ARHGAP26: variants seen among roughly 807,000 people sequenced by gnomAD.
The protein encoded by ARHGAP26 is Rho GTPase activating protein 26.
ARHGAP26 carries 38 observed loss-of-function variants against 104.8 expected under a neutral mutation model. That is an observed-to-expected ratio of 0.36 (90% CI 0.28 to 0.48). ARHGAP26 has a LOEUF of 0.48. Ranked by LOEUF, ARHGAP26 falls within the 20% of genes least tolerant of loss-of-function variation. The probability of loss-of-function intolerance (pLI) is 0.99; values close to 1 mark genes in which losing one functional copy is unlikely to be tolerated. For missense variants in ARHGAP26, 704 were observed against 947.9 expected (o/e 0.74, Z 3.38); for synonymous variants, 341 against 340.0 (o/e 1.00, Z -0.03).
chr5:143,126,984 G>A (rs1796801785), intron 18 of ARHGAP26, among the ~76,000 whole-genome samples: 1 of 152,158 alleles, frequency 6.6e-6, no homozygotes, highest in African/African-American at 2.4e-5. Flanking sequence ...TTCCAGCTAA[G>A]ATTTTCAAAC....
rs539433715 is a variant in ARHGAP26, at chr5:143,005,347, C to T, written c.1108-8733C>T. On this transcript the variant is annotated intron_variant, in intron 11 of 22. Transcript: ENST00000645722. ...AAGCTTCAGGTATGCATCCTGTTTT[C>T]CTAGCAACACAAGGCCTCATTTCCC... 7.9e-5 allele frequency among the ~76,000 whole-genome samples: 12 copies of T among 152,314 alleles called. No individual in the cohort carries two copies. In the East Asian group the frequency reaches 2.1e-3, roughly 27 times the overall value.
chr5:143,052,569 A>G (rs570480473), intron 14 of ARHGAP26, among the ~76,000 whole-genome samples: 1 of 152,330 alleles, frequency 6.6e-6, no homozygotes, highest in East Asian at 1.9e-4. Flanking sequence ...ACCTGCAAAC[A>G]TCATACAGGT....
At chr5:142,809,518 C>T (rs1763665124) in intron 1 of ARHGAP26, among the ~76,000 whole-genome samples, 1 of 152,152 alleles carries the variant, frequency 6.6e-6, no homozygotes, top group Non-Finnish European at 1.5e-5. Context: ...TGGTTTGCTG[C>T]CCCAGGCAGT....
intron 11 of ARHGAP26, among the ~76,000 whole-genome samples, chr5:142,993,700 A>C (rs371971390): frequency 7.2e-5 from 11 of 152,118 alleles, no homozygotes; most frequent in Non-Finnish European, 1.5e-4. Flanking sequence ...GTGCCATGGC[A>C]TCATGATCAC....
At chr5:142,782,472 T>A (rs1422230300) in intron 1 of ARHGAP26, among the ~76,000 whole-genome samples, 1 of 152,184 alleles carries the variant, frequency 6.6e-6, no homozygotes, top group Non-Finnish European at 1.5e-5. Context: ...TTGGCTGGGT[T>A]GCAGTCTGGG....
rs116485064 is a variant in ARHGAP26 at position 143,065,254 on chromosome 5, C to T, written c.1538+7507C>T. On this transcript the variant is annotated intron_variant, in intron 17 of 22. Coordinates refer to ENST00000645722, the MANE Select transcript of ARHGAP26 (RefSeq NM_001135608.3). ...AGCGTGTTCTTCATGAAATGCCTCT[C>T]TTTTTGGCTGAGTGGTGGTGGATAA... Among the ~76,000 whole-genome samples, 1,130 of 152,216 alleles carry T rather than the reference C, an allele frequency of 7.4e-3. 7 individuals are homozygous for T. Among genetic ancestry groups the T allele is most frequent in the African/African-American group, 0.026 (1,076 of 41,524 alleles).
At chr5:142,781,551 G>A (rs1044875152) in intron 1 of ARHGAP26, among the ~76,000 whole-genome samples, 3 of 152,172 alleles carry the variant, frequency 2.0e-5, no homozygotes, top group Admixed American at 6.5e-5. Context: ...ACACCTGGGG[G>A]AAAAGGGAGG....
chr5:143,206,114 G>C (rs545017689), intron 20 of ARHGAP26, among the ~76,000 whole-genome samples: 8 of 152,296 alleles, frequency 5.3e-5, no homozygotes, highest in Admixed American at 3.3e-4. Context: ...CCAGTAAGTA[G>C]GACATTTGTG....
intron 11 of ARHGAP26, among the ~76,000 whole-genome samples, chr5:142,951,302 C>T (rs568189830): frequency 5.3e-5 from 8 of 152,286 alleles, no homozygotes; most frequent in Admixed American, 1.3e-4. Flanking sequence ...TCAAGTGATC[C>T]GCCCGCCTCG....
chr5:143,201,526 T>C (rs1807720777), intron 20 of ARHGAP26, among the ~76,000 whole-genome samples: 1 of 152,160 alleles, frequency 6.6e-6, no homozygotes, highest in Non-Finnish European at 1.5e-5. Context: ...GCAAGATTTT[T>C]ATTTTGTTTA....
At chr5:143,182,972 T>C (rs1314345044) in intron 20 of ARHGAP26, among the ~76,000 whole-genome samples, 1 of 151,882 alleles carries the variant, frequency 6.6e-6, no homozygotes, top group Non-Finnish European at 1.5e-5. Context: ...GCCCCGTGGT[T>C]GTCTGGCTTT....
chr5:143,196,077 G>A (rs1406815489), intron 20 of ARHGAP26, among the ~76,000 whole-genome samples: 6 of 152,018 alleles, frequency 3.9e-5, no homozygotes, highest in East Asian at 1.9e-4. Flanking sequence ...AGGCTTGAAC[G>A]TGTATTAAAA....
At chr5:142,904,934 C>A (rs1187886934) in intron 8 of ARHGAP26, among the ~76,000 whole-genome samples, 2 of 152,068 alleles carry the variant, frequency 1.3e-5, no homozygotes, top group African/African-American at 4.8e-5. Flanking sequence ...AGTAATTACT[C>A]AAAAATTTGT....
chr5:143,042,978 A>G (rs181248117), intron 14 of ARHGAP26, among the ~76,000 whole-genome samples: 1 of 152,344 alleles, frequency 6.6e-6, no homozygotes, highest in African/African-American at 2.4e-5. Context: ...TGTAAAAATT[A>G]AACTTTTCAT....
chr5:143,082,274 T>G (rs150334331), intron 17 of ARHGAP26, among the ~76,000 whole-genome samples: 1,742 of 152,230 alleles, frequency 0.011, 32 homozygotes, highest in African/African-American at 0.039. Flanking sequence ...GAAAAATTCT[T>G]CTAGGATGAA....
intron 10 of ARHGAP26, among the ~76,000 whole-genome samples, chr5:142,930,874 A>G (rs1221594877): frequency 6.6e-6 from 1 of 152,234 alleles, no homozygotes; most frequent in East Asian, 1.9e-4. Flanking sequence ...TATAGCTATA[A>G]GCCAGAAGCA....
intron 11 of ARHGAP26, among the ~76,000 whole-genome samples, chr5:142,995,304 TAAAC>T (rs1776222057): frequency 2.6e-5 from 4 of 152,188 alleles, no homozygotes; most frequent in Admixed American, 2.6e-4. Context: ...ACAAGGAACT[TAAAC>T]AAATTTACAA....
intron 11 of ARHGAP26, among the ~76,000 whole-genome samples, chr5:142,955,598 C>G (rs1461773603): frequency 6.6e-6 from 1 of 152,168 alleles, no homozygotes; most frequent in Non-Finnish European, 1.5e-5. Flanking sequence ...TCACAAACCT[C>G]CCGCCTCAAT....
chr5:143,097,548 C>T (rs1304984853), intron 17 of ARHGAP26, among the ~76,000 whole-genome samples: 4 of 151,866 alleles, frequency 2.6e-5, no homozygotes, highest in Non-Finnish European at 5.9e-5. Context: ...TGGCCGGGCG[C>T]GGTGGCTCAC....
Sources: allele counts gnomAD v4.1 joint callset (sites outside exome capture counted in the v4.1 genomes callset), GRCh38; gene constraint gnomAD v4.1.1; transcripts MANE v1.5; gene names NCBI Gene and HGNC (gene_info 2026-07-23, HGNC 2026-07-21).